VWA8: variants seen among roughly 807,000 people sequenced by gnomAD.
The protein encoded by VWA8 is von Willebrand factor A domain containing 8, also known as von Willebrand factor A domain-containing protein 8.
A neutral mutation model predicts 241.5 loss-of-function variants in VWA8; 221 were observed. That is an observed-to-expected ratio of 0.91 (90% CI 0.82 to 1.02). The LOEUF (loss-of-function observed/expected upper bound fraction) is 1.02. Ranked by LOEUF, VWA8 falls within the 50% of genes least tolerant of loss-of-function variation. The probability of loss-of-function intolerance (pLI) is 0.00; values close to 1 mark genes in which losing one functional copy is unlikely to be tolerated. For missense variants in VWA8, 2,322 were observed against 2,328.7 expected, an observed-to-expected ratio of 1.00 and a Z score of 0.06; for synonymous variants, 852 against 827.1, an observed-to-expected ratio of 1.03 and a Z score of -0.52.
intron 2 of VWA8, among the ~76,000 whole-genome samples, chr13:41,915,936 A>T (rs1476940950): frequency 1.3e-5 from 2 of 152,192 alleles, no homozygotes; most frequent in Admixed American, 1.3e-4. Context: ...GTAAACATAC[A>T]AACGATTTTT....
chr13:41,676,923 A>AC (rs770212943), intron 35 of VWA8, among the ~76,000 whole-genome samples: 3 of 151,684 alleles, frequency 2.0e-5, no homozygotes, highest in Admixed American at 6.6e-5. Context: ...GTGAGCCACC[A>AC]CCCCCAGCCT....
At chr13:41,784,658 G>GCC (rs374565590) in intron 18 of VWA8, among the ~76,000 whole-genome samples, 5 of 103,806 alleles carry the variant, frequency 4.8e-5, no homozygotes, top group African/African-American at 1.7e-4. Flanking sequence ...GTGCAACCTT[G>GCC]TCTCTCTCTC....
Position 41,781,684 on chromosome 13 carries a change from T to C in VWA8, c.2277+2111A>G, listed in dbSNP as rs1868892476. Among the ~76,000 whole-genome samples the C allele has an allele frequency of 2.0e-5, 3 of 152,212 alleles. 1 individual carries two copies. Among genetic ancestry groups the C allele is most frequent in the East Asian group, 1.9e-4 (1 of 5,192 alleles). ...TCTCTTTCCTCCAACTTCTCCTCCT[T>C]ACTGCTGCAAATGTAATATTCCTTA... On this transcript the variant is annotated intron_variant, in intron 19 of 44. Transcript: ENST00000379310.
At chr13:41,887,039 C>T (rs11616346) in intron 6 of VWA8, among the ~76,000 whole-genome samples, 158 bp downstream of exon 6, 3 of 152,126 alleles carry the variant, frequency 2.0e-5, no homozygotes, top group Non-Finnish European at 2.9e-5. Context: ...AATTTTTCTT[C>T]CTAGTTTCCA....
chr13:41,661,228 G>A (rs1282605194), intron 37 of VWA8, among the ~76,000 whole-genome samples: 2 of 152,154 alleles, frequency 1.3e-5, no homozygotes, highest in Admixed American at 6.5e-5. Flanking sequence ...TGCTTGCCAC[G>A]AAGCTGAAAA....
At chr13:41,834,782 G>A (rs1377311615) in intron 12 of VWA8, among the ~76,000 whole-genome samples, 9 of 152,064 alleles carry the variant, frequency 5.9e-5, no homozygotes, top group South Asian at 2.1e-4. Context: ...ACATACATGC[G>A]TATGTTCACT....
At chr13:41,735,718 C>A (rs1158304686) in intron 21 of VWA8, among the ~76,000 whole-genome samples, 1 of 152,000 alleles carries the variant, frequency 6.6e-6, no homozygotes, top group Non-Finnish European at 1.5e-5. Flanking sequence ...GGGAAATAAT[C>A]CACTATTGTC....
intron 10 of VWA8, 101 bp downstream of exon 10, chr13:41,868,245 T>A: frequency 7.5e-7 from 1 of 1,335,116 alleles, no homozygotes; most frequent in Non-Finnish European, 1.1e-6. Context: ...AGCAGTACTA[T>A]CAAGAGAGAA....
intron 37 of VWA8, among the ~76,000 whole-genome samples, chr13:41,637,750 CCT>C (rs1361705471): frequency 1.3e-5 from 2 of 152,054 alleles, no homozygotes; most frequent in African/African-American, 2.4e-5. Context: ...ACTCTTCCTC[CCT>C]GTCTTCTTCC....
chr13:41,832,519 G>A (rs1049988162), intron 13 of VWA8, among the ~76,000 whole-genome samples: 1 of 151,910 alleles, frequency 6.6e-6, no homozygotes, highest in Non-Finnish European at 1.5e-5. Flanking sequence ...TTAACATAAC[G>A]TATTTAGAAT....
chr13:41,626,100 G>T (rs1317047530), intron 37 of VWA8, among the ~76,000 whole-genome samples: 3 of 106,080 alleles, frequency 2.8e-5, no homozygotes, highest in African/African-American at 3.7e-5. Flanking sequence ...GGGGAGGGGG[G>T]AGGGATAGCA....
At chr13:41,660,370 C>T (rs183986876) in intron 37 of VWA8, among the ~76,000 whole-genome samples, 6 of 152,280 alleles carry the variant, frequency 3.9e-5, no homozygotes, top group Admixed American at 3.9e-4. Flanking sequence ...CCTGCCTCAC[C>T]CTCCCAAAGT....
At chr13:41,584,774 A>G (rs934030924) in intron 42 of VWA8, among the ~76,000 whole-genome samples, 15 of 152,182 alleles carry the variant, frequency 9.9e-5, no homozygotes, top group African/African-American at 4.8e-5. Flanking sequence ...TCTTCTCAAT[A>G]TATCTGTGGT....
At chr13:41,821,539 C>T (rs1870958660) in intron 14 of VWA8, among the ~76,000 whole-genome samples, 1 of 151,670 alleles carries the variant, frequency 6.6e-6, no homozygotes, top group Non-Finnish European at 1.5e-5. Flanking sequence ...AATACAAAGA[C>T]CAAAGAAGTG....
intron 20 of VWA8, 28 bp downstream of exon 20, chr13:41,777,957 T>G (rs774104570): frequency 1.3e-6 from 2 of 1,565,372 alleles, no homozygotes. Flanking sequence ...ATTTTTTCAT[T>G]GGTACCTAGA....
intron 4 of VWA8, among the ~76,000 whole-genome samples, chr13:41,903,134 T>C (rs1193027308): frequency 3.3e-5 from 5 of 152,184 alleles, no homozygotes; most frequent in African/African-American, 1.2e-4. Context: ...GTCTAGCTGG[T>C]AGTCAACTGG....
In VWA8 at chr13:41,566,959, A is replaced by G. The variant is rs569131557; in HGVS notation, c.*1238T>C. 2.6e-5 allele frequency: 4 copies of G among 152,336 alleles called. No homozygotes were observed. The East Asian group carries it at 5.8e-4, about 22-fold the overall frequency. The allele number at this position is 152,336 out of a possible 1,614,324, so 9.4% of individuals were successfully genotyped here. ...AATTAAAATGAAATTATGGACCTGT[A>G]CAATTTCAATAGATATGGATGGATA... On this transcript the variant is annotated 3_prime_UTR_variant, in exon 45 of 45. Transcript: ENST00000379310.
intron 2 of VWA8, among the ~76,000 whole-genome samples, chr13:41,946,081 A>G (rs75037512): frequency 0.029 from 4,394 of 152,046 alleles, 67 homozygotes; most frequent in Middle Eastern, 0.058. Context: ...TCTTTTCAAA[A>G]TCTAGGAAGT....
chr13:41,736,897 G>A (rs942011682), intron 21 of VWA8, among the ~76,000 whole-genome samples: 11 of 144,204 alleles, frequency 7.6e-5, no homozygotes, highest in East Asian at 2.0e-4. Context: ...ATGCTGGAGC[G>A]CAATGGCATG....
Sources: gnomAD v4.1 joint callset for allele counts (sites outside exome capture counted in the v4.1 genomes callset) on GRCh38, gnomAD v4.1.1 for gene constraint, MANE v1.5 for transcripts, NCBI Gene and HGNC (gene_info 2026-07-23, HGNC 2026-07-21) for gene names.